The following FBRS variants were observed in gnomAD, a reference collection of about 807,000 sequenced individuals.
FBRS encodes the protein fibrosin.
FBRS carries 15 observed loss-of-function variants against 86.1 expected under a neutral mutation model. That is an observed-to-expected ratio of 0.17 (90% CI 0.12 to 0.27). FBRS has a LOEUF of 0.27. Ranked by LOEUF, FBRS falls within the 10% of genes least tolerant of loss-of-function variation. The probability of loss-of-function intolerance (pLI) is 1.00; values close to 1 mark genes in which losing one functional copy is unlikely to be tolerated. For synonymous variants in FBRS, 666 were observed against 575.8 expected (o/e 1.16, Z -2.24); for missense variants, 1,367 against 1,301.6 (o/e 1.05, Z -0.77).
Position 30,658,916 on chromosome 16 carries a change from C to G in FBRS, c.-603C>G, listed in dbSNP as rs1210621522. On this transcript the variant is annotated 5_prime_UTR_variant, in exon 1 of 18. Coordinates refer to ENST00000356166, the MANE Select transcript of FBRS (RefSeq NM_001105079.3). ...GGGTTTTTCTTTACGTCCTCCTCCC[C>G]CACACACAAGAAGTCTTTTAAATTC... 6.6e-6 allele frequency: 1 copy of G among 152,232 alleles called. No homozygotes were observed. Among genetic ancestry groups the G allele is most frequent in the African/African-American group, 2.4e-5 (1 of 41,444 alleles). 9.4% of individuals were successfully genotyped at this position (152,232 alleles called of 1,614,324 possible).
Position 30,665,271 on chromosome 16 carries a change from A to G in FBRS, c.1609-35A>G, listed in dbSNP as rs1017108540. On this transcript the variant is annotated intron_variant, in intron 9 of 17. Coordinates refer to ENST00000356166, the MANE Select transcript of FBRS (RefSeq NM_001105079.3). This position sits in a 1 kb window ranked among gnomAD's most constrained non-coding sequence, Gnocchi z 4.1. ...CAGGCTGGACTTGGGCTGCGCCTCC[A>G]CCCCCACCTGTACTAGTCCCCCTTC... 6 of 1,544,238 alleles carry G rather than the reference A, an allele frequency of 3.9e-6. No homozygotes were observed. The Middle Eastern group carries it at 5.0e-4, about 130-fold the overall frequency.
At chr16:30,666,093 C>A in intron 11 of FBRS, 1 of 408,294 alleles carries the variant, frequency 2.4e-6, no homozygotes, top group Non-Finnish European at 4.4e-6. Context: ...CAGTGTAGAC[C>A]CCAGGGCTGC....
At chr16:30,666,426 G>T (rs369536208) in intron 11 of FBRS, 86 bp from the exon 12 acceptor site, 117 of 1,546,272 alleles carry the variant, frequency 7.6e-5, no homozygotes, top group Non-Finnish European at 9.9e-5. Context: ...GGCATGTTGG[G>T]GGTGAGTGGA....
chr16:30,665,517 T>G lies in FBRS; in HGVS notation c.1704+116T>G. 2 of 1,421,410 alleles carry G rather than the reference T, an allele frequency of 1.4e-6. No individual in the cohort carries two copies. Among genetic ancestry groups the G allele is most frequent in the South Asian group, 2.5e-5 (2 of 81,478 alleles). The allele number at this position is 1,421,410 out of a possible 1,614,324, so 88.0% of individuals were successfully genotyped here. A position where few individuals can be genotyped will look rare whatever the true frequency, so the allele number is the denominator to read the frequency against. The stretch of plus-strand genomic sequence containing the variant: ...TCGTGCCCATCCTCCTGCCCTGCCC[T>G]GCTGCACCCAGTTTTCTCCAAAGCC... On this transcript the variant is annotated intron_variant, in intron 10 of 17. Coordinates refer to ENST00000356166, the MANE Select transcript of FBRS (RefSeq NM_001105079.3). The surrounding 1 kb of genome is among the most constrained non-coding windows in gnomAD (Gnocchi z 4.1).
Position 30,658,631 on chromosome 16 carries a change from G to A in FBRS, c.-888G>A, listed in dbSNP as rs2052413792. On this transcript the variant is annotated 5_prime_UTR_variant, in exon 1 of 18. Transcript: ENST00000356166. ...GGAGGAAGAGACTTTTATGTCGGCGGACAGGGGAGCTGTACCCGTCACCGT... is the reference window on the plus strand; with the variant it reads ...GGAGGAAGAGACTTTTATGTCGGCGAACAGGGGAGCTGTACCCGTCACCGT... 6.6e-6 allele frequency: 1 copy of A among 152,376 alleles called. No individual in the cohort carries two copies. The highest frequency in any genetic ancestry group is 6.5e-5 in the Admixed American group (1 of 15,288). The allele number at this position is 152,376 out of a possible 1,614,324, so 9.4% of individuals were successfully genotyped here.
chr16:30,670,281 G>C lies in FBRS; in HGVS notation c.*636G>C, dbSNP rs2052581403. 3 of 445,332 alleles carry C rather than the reference G, an allele frequency of 6.7e-6. No homozygotes were observed. Among genetic ancestry groups the C allele is most frequent in the South Asian group, 4.7e-5 (3 of 63,382 alleles). 27.6% of individuals were successfully genotyped at this position (445,332 alleles called of 1,614,324 possible). On this transcript the variant is annotated 3_prime_UTR_variant, in exon 18 of 18. Transcript: ENST00000356166. Reference sequence around the variant, plus strand: ...GGACAGTCAGGCTTCTCCCTGGGAAGGTGGGGCCAGCAGGAGATGACCAAC... The same window carrying C: ...GGACAGTCAGGCTTCTCCCTGGGAACGTGGGGCCAGCAGGAGATGACCAAC...
chr16:30,668,987 T>TTCCCCCCCCCCCCCCCCCCCCCCC lies in FBRS; in HGVS notation c.2366+8_2366+9insTCCCCCCCCCCCCCCCCCCCCCCC. The TTCCCCCCCCCCCCCCCCCCCCCCC allele has an allele frequency of 1.1e-5, 16 of 1,481,006 alleles. No individual in the cohort carries two copies. The highest frequency in any genetic ancestry group is 1.4e-5 in the African/African-American group (1 of 69,742). The allele number at this position is 1,481,006 out of a possible 1,614,324, so 91.7% of individuals were successfully genotyped here. A position where few individuals can be genotyped will look rare whatever the true frequency, so the allele number is the denominator to read the frequency against. On this transcript the variant is annotated intron_variant, in intron 17 of 17. Coordinates refer to ENST00000356166, the MANE Select transcript of FBRS (RefSeq NM_001105079.3). ...CAAGGAGGAGAAGGACAGGTGTGCC[T>TTCCCCCCCCCCCCCCCCCCCCCCC]CCCACCCACCCTGCCCCTGCCCCAC...
rs894438059 is a variant in FBRS, at chr16:30,669,210, C to A, written c.2508C>A (p.Ala836=). ...AGGAGGAGGCTGCCGCCGCCGCTGC[C>A]GCTGCTGCTGCCGCCGCCGCTGCCG... ...ERKEEAAAAA[A]AAAAAAAAAA... Residue 836 remains alanine, a synonymous_variant, in exon 18 of 18, where the codon GCC becomes GCA. Transcript: ENST00000356166. This position sits in a 1 kb window ranked among gnomAD's most constrained non-coding sequence, Gnocchi z 5.9. 3 of 1,544,674 alleles carry A rather than the reference C, an allele frequency of 1.9e-6. No homozygotes were observed. Among genetic ancestry groups the A allele is most frequent in the Non-Finnish European group, 2.6e-6 (3 of 1,143,770 alleles).
Position 30,669,146 on chromosome 16 carries a change from G to T in FBRS, c.2444G>T (p.Arg815Leu). 1 of 1,567,612 alleles carries T rather than the reference G, an allele frequency of 6.4e-7. No homozygotes were observed. Among genetic ancestry groups the T allele is most frequent in the African/African-American group, 1.4e-5 (1 of 73,668 alleles). Residue 815 changes from arginine (R) to leucine (L), a missense_variant, in exon 18 of 18, where the codon CGG (arginine) becomes CTG (leucine). By Grantham distance (102) the Arg-to-Leu change is moderately radical. Around this residue, in one of 3 missense-constraint regions of FBRS, gnomAD observed 659 missense variants for 678.8 expected, o/e 0.97. Coordinates refer to ENST00000356166, the MANE Select transcript of FBRS (RefSeq NM_001105079.3). The surrounding 1 kb of genome is among the most constrained non-coding windows in gnomAD (Gnocchi z 5.9). ...GCCCGGGCTGGTGAGGAGGGGCCTC[G>T]GCCAACCAAGGAATCTGTGCGGGTA... The part of the protein sequence containing the change: ...PKARAGEEGP[R>L]PTKESVRVKE...
In FBRS at chr16:30,670,121, CT is replaced by C. The variant is rs1427956111; in HGVS notation, c.*480del. 3 of 462,790 alleles carry C rather than the reference CT, an allele frequency of 6.5e-6. No individual in the cohort carries two copies. The highest frequency in any genetic ancestry group is 6.0e-5 in the African/African-American group (3 of 50,248). 28.7% of individuals were successfully genotyped at this position (462,790 alleles called of 1,614,324 possible). On this transcript the variant is annotated 3_prime_UTR_variant, in exon 18 of 18. Transcript: ENST00000356166. ...CACCCCTTTCACATAGCCCCAAGAC[CT>C]TTTGTACATTTTTACAGGGGTGCCC...
At position 30,669,973 on chromosome 16, in the gene FBRS, A is replaced by C; in HGVS notation, c.*328A>C. On this transcript the variant is annotated 3_prime_UTR_variant, in exon 18 of 18. Transcript: ENST00000356166. This position sits in a 1 kb window ranked among gnomAD's most constrained non-coding sequence, Gnocchi z 5.9. ...CTCTAGGCCCTGGGCCTGCCTCCCC[A>C]AGGGCTCACTAAGCCAGAGGCCAAA... The C allele has an allele frequency of 1.9e-6, 1 of 519,862 alleles. No individual in the cohort carries two copies. Among genetic ancestry groups the C allele is most frequent in the Non-Finnish European group, 3.5e-6 (1 of 282,110 alleles). 32.2% of individuals were successfully genotyped at this position (519,862 alleles called of 1,614,324 possible). A position where few individuals can be genotyped will look rare whatever the true frequency, so the allele number is the denominator to read the frequency against.
At chr16:30,666,817 G>A in intron 12 of FBRS, 102 bp from the exon 13 acceptor site, 2 of 1,281,534 alleles carry the variant, frequency 1.6e-6, no homozygotes, top group East Asian at 2.5e-5. Context: ...GATGAGTAGG[G>A]ATATTTTGTG....
rs958760860 is a variant in FBRS at position 30,658,777 on chromosome 16, C to T, written c.-742C>T. 4.6e-5 allele frequency: 7 copies of T among 152,236 alleles called. No individual in the cohort carries two copies. The highest frequency in any genetic ancestry group is 9.6e-5 in the African/African-American group (4 of 41,458). 9.4% of individuals were successfully genotyped at this position (152,236 alleles called of 1,614,324 possible). A position where few individuals can be genotyped will look rare whatever the true frequency, so the allele number is the denominator to read the frequency against. ...CCCGGAGGAGGCCCCTTTAAATCTC[C>T]TTAAAGGGGTGGCCACTGAACTCGG... On this transcript the variant is annotated 5_prime_UTR_variant, in exon 1 of 18. Coordinates refer to ENST00000356166, the MANE Select transcript of FBRS (RefSeq NM_001105079.3).
In FBRS at chr16:30,659,014, T is replaced by G. The variant is rs1230749799; in HGVS notation, c.-505T>G. ...GAGCCCTTAAAGGGACGGCCTGCTG[T>G]TAGAAGGACCCTGGACTCCTTAAAG... On this transcript the variant is annotated 5_prime_UTR_variant, in exon 1 of 18. Coordinates refer to ENST00000356166, the MANE Select transcript of FBRS (RefSeq NM_001105079.3). 6.6e-6 allele frequency: 1 copy of G among 151,806 alleles called. No homozygotes were observed. Among genetic ancestry groups the G allele is most frequent in the East Asian group, 1.9e-4 (1 of 5,168 alleles). The allele number at this position is 151,806 out of a possible 1,614,324, so 9.4% of individuals were successfully genotyped here.
chr16:30,664,999 C>T (rs1385074763), intron 8 of FBRS, 36 bp from the exon 9 acceptor site: 2 of 1,611,296 alleles, frequency 1.2e-6, no homozygotes, highest in African/African-American at 1.3e-5. Context: ...GCCCGGGTCC[C>T]TGGCTGGCAG....
chr16:30,659,791 G>T lies in FBRS; in HGVS notation c.273G>T (p.Pro91=), dbSNP rs901250172. The change falls in exon 1 of 18, where the codon CCG becomes CCT. Residue 91 remains proline (P), a synonymous_variant. Coordinates refer to ENST00000356166, the MANE Select transcript of FBRS (RefSeq NM_001105079.3). The stretch of plus-strand genomic sequence containing the variant: ...GGCCCCGTCCGAGACCTCGACCCCC[G>T]CGACCCCGAGCTCGGAAGCGGCCTG... ...RRRPRPRPRP[P]RPRARKRPAG... is the part of the protein sequence containing the mutation. The T allele has an allele frequency of 6.7e-7, 1 of 1,498,478 alleles. No individual in the cohort carries two copies. The highest frequency in any genetic ancestry group is 8.9e-7 in the Non-Finnish European group (1 of 1,128,874). 92.8% of individuals were successfully genotyped at this position (1,498,478 alleles called of 1,614,324 possible).
In FBRS at chr16:30,670,765, A is replaced by G. The variant is rs1478727442; in HGVS notation, c.*1120A>G. 6.4e-6 allele frequency: 1 copy of G among 157,070 alleles called. No homozygotes were observed. Among genetic ancestry groups the G allele is most frequent in the Non-Finnish European group, 1.4e-5 (1 of 70,116 alleles). 9.7% of individuals were successfully genotyped at this position (157,070 alleles called of 1,614,324 possible). The stretch of plus-strand genomic sequence containing the variant: ...TTTTCCCTGGTGGGGCTTCTTCTGT[A>G]ACATGACTTGCGAATATTTATATAA... On this transcript the variant is annotated 3_prime_UTR_variant, in exon 18 of 18. Transcript: ENST00000356166.
At position 30,665,082 on chromosome 16, in the gene FBRS, G is replaced by A. The variant is rs1261939327; in HGVS notation, c.1608+3G>A. 1 of 1,612,870 alleles carries A rather than the reference G, an allele frequency of 6.2e-7. No individual in the cohort carries two copies. ...TGGAAGGCCTTTTCCGACATAATGTGAGTGTGTGTGTGCGTGTGCGTATGG... is the reference window on the plus strand; with the variant it reads ...TGGAAGGCCTTTTCCGACATAATGTAAGTGTGTGTGTGCGTGTGCGTATGG... On this transcript the variant is annotated splice_donor_region_variant and intron_variant, in intron 9 of 17. Coordinates refer to ENST00000356166, the MANE Select transcript of FBRS (RefSeq NM_001105079.3). The surrounding 1 kb of genome is among the most constrained non-coding windows in gnomAD (Gnocchi z 4.1).
chr16:30,670,008 C>T lies in FBRS; in HGVS notation c.*363C>T, dbSNP rs1313313856. 2 of 514,448 alleles carry T rather than the reference C, an allele frequency of 3.9e-6. No homozygotes were observed. The highest frequency in any genetic ancestry group is 7.4e-6 in the Non-Finnish European group (2 of 270,040). 31.9% of individuals were successfully genotyped at this position (514,448 alleles called of 1,614,324 possible). ...TAAGCCAGAGGCCAAAGTGCCCCCT[C>T]CCGTTCACCTACCACCCAAGTCCTC... On this transcript the variant is annotated 3_prime_UTR_variant, in exon 18 of 18. Coordinates refer to ENST00000356166, the MANE Select transcript of FBRS (RefSeq NM_001105079.3).
Sources: allele counts gnomAD v4.1 joint callset, GRCh38; gene constraint gnomAD v4.1.1; regional missense constraint gnomAD v4.1.1; non-coding constraint Gnocchi (gnomAD v3.1); transcripts MANE v1.5; gene names NCBI Gene and HGNC (gene_info 2026-07-23, HGNC 2026-07-21).